Variants in TMPRSS11D observed in about 807,000 individuals in gnomAD.
TMPRSS11D encodes transmembrane protease serine 11D.
TMPRSS11D carries 32 observed loss-of-function variants against 44.4 expected under a neutral mutation model. The ratio of observed to expected loss-of-function variants is 0.72; its 90% CI spans 0.54 to 0.97. The LOEUF is 0.97. Among genes scored for constraint, TMPRSS11D ranks in the 50% least tolerant of loss-of-function variants. The probability of loss-of-function intolerance (pLI) is 0.00; values close to 1 mark genes in which losing one functional copy is unlikely to be tolerated. For synonymous variants in TMPRSS11D, 179 were observed against 177.9 expected (o/e 1.01, Z -0.05); for missense variants, 446 against 502.6 (o/e 0.89, Z 1.08).
intron 1 of TMPRSS11D, among the ~76,000 whole-genome samples, chr4:67,868,240 T>C (rs1718971766): frequency 1.3e-5 from 2 of 152,090 alleles, no homozygotes; most frequent in Non-Finnish European, 2.9e-5. Flanking sequence ...CACTTATACA[T>C]GGGAGCTAAA....
intron 9 of TMPRSS11D, among the ~76,000 whole-genome samples, chr4:67,824,153 T>A (rs1460140725): frequency 7.0e-5 from 7 of 100,378 alleles, no homozygotes; most frequent in Admixed American, 4.3e-4. Context: ...TTTTTTTTTT[T>A]AAGTGTGAAC....
chr4:67,823,409 G>A (rs56339946), intron 9 of TMPRSS11D, among the ~76,000 whole-genome samples: 5 of 151,758 alleles, frequency 3.3e-5, no homozygotes, highest in African/African-American at 1.2e-4. Context: ...TAAGTCTGTG[G>A]GTTCTGAAAC....
rs527644055 is a variant in TMPRSS11D, at chr4:67,847,100, C to T, written c.250-4475G>A. 8.5e-5 allele frequency among the ~76,000 whole-genome samples: 13 copies of T among 152,246 alleles called. No individual in the cohort carries two copies. In the South Asian group the frequency reaches 2.3e-3, roughly 27 times the overall value. On this transcript the variant is annotated intron_variant, in intron 3 of 9. Transcript: ENST00000283916. The stretch of plus-strand genomic sequence containing the variant: ...TTGTATTTTTGTAGAGATGGGGTTT[C>T]GCCATGTTGGGCAGGCTGGTCTTGA...
chr4:67,880,856 C>T lies in TMPRSS11D; in HGVS notation c.8+3070G>A, dbSNP rs567412023. On this transcript the variant is annotated intron_variant, in intron 1 of 9. Coordinates refer to ENST00000283916, the MANE Select transcript of TMPRSS11D (RefSeq NM_004262.3). ...TATATTATTTTATTAATCATTGATA[C>T]GCTTGTTCAAACCTCTGGCAAATGG... Among the ~76,000 whole-genome samples the T allele has an allele frequency of 1.8e-4, 27 of 152,222 alleles. No homozygotes were observed. The South Asian group carries it at 1.9e-3, about 11-fold the overall frequency.
At chr4:67,862,036 G>A (rs1469578644) in intron 1 of TMPRSS11D, among the ~76,000 whole-genome samples, 4 of 152,100 alleles carry the variant, frequency 2.6e-5, no homozygotes, top group Non-Finnish European at 5.9e-5. Context: ...GTCTTGGTCA[G>A]TTAGATTTTT....
intron 3 of TMPRSS11D, among the ~76,000 whole-genome samples, chr4:67,844,800 A>G (rs1718320624): frequency 1.3e-5 from 2 of 152,122 alleles, no homozygotes; most frequent in Admixed American, 6.6e-5. Context: ...AAAAAAGAAG[A>G]AGGCAAAAAG....
At chr4:67,877,105 T>G (rs1471100488) in intron 1 of TMPRSS11D, among the ~76,000 whole-genome samples, 1 of 152,194 alleles carries the variant, frequency 6.6e-6, no homozygotes, top group Non-Finnish European at 1.5e-5. Flanking sequence ...GAGGATTCAT[T>G]CTATTGTGCT....
chr4:67,824,470 T>G (rs1193166576), intron 9 of TMPRSS11D, among the ~76,000 whole-genome samples: 1 of 152,034 alleles, frequency 6.6e-6, no homozygotes, highest in Non-Finnish European at 1.5e-5. Context: ...AATTTGTTGT[T>G]TCAGGGCCAG....
intron 4 of TMPRSS11D, among the ~76,000 whole-genome samples, chr4:67,839,558 C>T (rs1718180471): frequency 1.3e-5 from 2 of 151,802 alleles, no homozygotes. Context: ...GAGATGGGAC[C>T]TTGGGCCAGT....
chr4:67,875,968 G>A (rs750276313), intron 1 of TMPRSS11D, among the ~76,000 whole-genome samples: 1 of 152,168 alleles, frequency 6.6e-6, no homozygotes, highest in African/African-American at 2.4e-5. Context: ...TCTACCTTGT[G>A]AATCTTGCCA....
chr4:67,843,650 G>A (rs557988090), intron 3 of TMPRSS11D, among the ~76,000 whole-genome samples: 5 of 152,318 alleles, frequency 3.3e-5, no homozygotes, highest in South Asian at 4.1e-4. Context: ...ATGGCCGGGC[G>A]CAGTGGCTCA....
rs916556303 is a variant in TMPRSS11D, at chr4:67,835,211, G to A, written c.476-90C>T. The A allele has an allele frequency of 2.1e-5, 26 of 1,235,404 alleles. 1 individual carries two copies. The highest frequency in any genetic ancestry group is 4.0e-5 in the Admixed American group (2 of 50,516). 76.5% of individuals were successfully genotyped at this position (1,235,404 alleles called of 1,614,324 possible). A position where few individuals can be genotyped will look rare whatever the true frequency, so the allele number is the denominator to read the frequency against. ...TTAAAGTACAGTACCCAGACAACAA[G>A]AAGCAGAATTACTTGTTGGGGTTGG... On this transcript the variant is annotated intron_variant, in intron 5 of 9. Transcript: ENST00000283916.
At chr4:67,861,519 T>C (rs943027670) in intron 1 of TMPRSS11D, among the ~76,000 whole-genome samples, 22 of 152,086 alleles carry the variant, frequency 1.4e-4, no homozygotes, top group Non-Finnish European at 2.8e-4. Flanking sequence ...ATTGATTTTG[T>C]TTCCAGAGAT....
In TMPRSS11D at chr4:67,827,273, G is replaced by T; in HGVS notation, c.940C>A (p.Gln314Lys). 1 of 1,599,538 alleles carries T rather than the reference G, an allele frequency of 6.3e-7. No homozygotes were observed. The highest frequency in any genetic ancestry group is 1.1e-5 in the South Asian group (1 of 87,602). Residue 314 changes from glutamine (Q) to lysine (K), a missense_variant, in exon 8 of 10, where the codon CAA (glutamine) becomes AAA (lysine). Physicochemically the swap from Gln to Lys is moderately conservative, Grantham distance 53. Transcript: ENST00000283916. ...CCGAGACACTTACCAGCATATTCTT[G>T]AGCGCCCCATCCTGTTACATAAGCA... ...STAYVTGWGA[Q>K]EYAGHTVPEL...
chr4:67,841,130 G>T (rs1369245719), intron 4 of TMPRSS11D, among the ~76,000 whole-genome samples: 1 of 152,080 alleles, frequency 6.6e-6, no homozygotes, highest in Non-Finnish European at 1.5e-5. Flanking sequence ...TCCATGTGAT[G>T]GTACCAAGTA....
At chr4:67,824,079 T>C (rs1465454874) in intron 9 of TMPRSS11D, among the ~76,000 whole-genome samples, 1 of 151,302 alleles carries the variant, frequency 6.6e-6, no homozygotes, top group Non-Finnish European at 1.5e-5. Context: ...ATTGTAAAAA[T>C]GAACAAAAGA....
In TMPRSS11D at chr4:67,845,386, G is replaced by C. The variant is rs1718334913; in HGVS notation, c.250-2761C>G. ...ATAAGGGCAGTAGATGGAAAATACAGAGACAGGTTAGTTTAGCTTGCATCA... is the reference window on the plus strand; with the variant it reads ...ATAAGGGCAGTAGATGGAAAATACACAGACAGGTTAGTTTAGCTTGCATCA... On this transcript the variant is annotated intron_variant, in intron 3 of 9. Coordinates refer to ENST00000283916, the MANE Select transcript of TMPRSS11D (RefSeq NM_004262.3). Among the ~76,000 whole-genome samples, 3 of 152,160 alleles carry C rather than the reference G, an allele frequency of 2.0e-5. No homozygotes were observed. In the East Asian group the frequency reaches 5.8e-4, roughly 29 times the overall value.
rs1718575464 is a variant in TMPRSS11D at position 67,854,130 on chromosome 4, T to TA, written c.186dup (p.Ser63Ter). On this transcript the variant is annotated frameshift_variant, in exon 3 of 10. Transcript: ENST00000283916. LOFTEE classifies it high-confidence loss of function. ...TGTGTAGCTGGTGAATTTAACTGACTATTATATTCAACATTTAGGAGTTGA... is the reference window on the plus strand; with the variant it reads ...TGTGTAGCTGGTGAATTTAACTGACTAATTATATTCAACATTTAGGAGTTGA... The TA allele has an allele frequency of 2.5e-6, 4 of 1,600,828 alleles. No individual in the cohort carries two copies. Among genetic ancestry groups the TA allele is most frequent in the Non-Finnish European group, 3.4e-6 (4 of 1,175,142 alleles).
intron 3 of TMPRSS11D, among the ~76,000 whole-genome samples, chr4:67,849,862 A>G (rs557373722): frequency 6.6e-6 from 1 of 152,324 alleles, no homozygotes; most frequent in East Asian, 1.9e-4. Flanking sequence ...TTCTCATTAT[A>G]CCACTTTCCA....
Sources: gnomAD v4.1 joint callset for allele counts (sites outside exome capture counted in the v4.1 genomes callset) on GRCh38, gnomAD v4.1.1 for gene constraint, MANE v1.5 for transcripts, NCBI Gene and HGNC (gene_info 2026-07-23, HGNC 2026-07-21) for gene names.